The following DNAJC1 variants were observed in gnomAD, a reference collection of about 807,000 sequenced individuals.
DNAJC1 encodes dnaJ homolog subfamily C member 1.
A neutral mutation model predicts 76.6 loss-of-function variants in DNAJC1; 58 were observed. The observed-to-expected ratio is 0.76, with a 90% confidence interval of 0.61 to 0.94. The LOEUF is 0.94. Ranked by LOEUF, DNAJC1 falls within the 40% of genes least tolerant of loss-of-function variation. The pLI, the probability that DNAJC1 is intolerant of heterozygous loss-of-function variation, is 0.00. For synonymous variants in DNAJC1, 258 were observed against 267.9 expected (o/e 0.96, Z 0.36); for missense variants, 689 against 677.3 (o/e 1.02, Z -0.19).
chr10:21,983,885 T>G (rs1838197079), intron 1 of DNAJC1, among the ~76,000 whole-genome samples: 1 of 152,194 alleles, frequency 6.6e-6, no homozygotes, highest in Non-Finnish European at 1.5e-5. Context: ...ATGTACTTAG[T>G]GTCACTGGTT....
chr10:21,764,333 C>G (rs866283175), intron 10 of DNAJC1, among the ~76,000 whole-genome samples: 2 of 152,188 alleles, frequency 1.3e-5, no homozygotes, highest in South Asian at 2.1e-4. Context: ...AAATATCTCT[C>G]TCAAAATAAC....
chr10:21,939,989 G>C (rs1311602632), intron 1 of DNAJC1, among the ~76,000 whole-genome samples: 1 of 147,586 alleles, frequency 6.8e-6, no homozygotes, highest in Non-Finnish European at 1.5e-5. Context: ...AAACAAACGT[G>C]TGTGTATACA....
chr10:21,862,132 G>C (rs1483335410), intron 8 of DNAJC1, among the ~76,000 whole-genome samples: 1 of 151,928 alleles, frequency 6.6e-6, no homozygotes, highest in Non-Finnish European at 1.5e-5. Flanking sequence ...TGTTTAGGCT[G>C]GTCTCGAACT....
intron 8 of DNAJC1, among the ~76,000 whole-genome samples, chr10:21,841,939 C>T (rs1285080978): frequency 6.6e-6 from 1 of 151,896 alleles, no homozygotes; most frequent in Non-Finnish European, 1.5e-5. Flanking sequence ...GAGTTCATGT[C>T]CTTTGTAGGG....
At chr10:21,856,369 T>C (rs1835832511) in intron 8 of DNAJC1, among the ~76,000 whole-genome samples, 1 of 152,204 alleles carries the variant, frequency 6.6e-6, no homozygotes, top group African/African-American at 2.4e-5. Flanking sequence ...TATTATTGTG[T>C]ATGTCTTTGA....
rs963353570 is a variant in DNAJC1, at chr10:21,759,468, T to G, written c.1298A>C (p.Gln433Pro). 11 of 1,614,194 alleles carry G rather than the reference T, an allele frequency of 6.8e-6. No homozygotes were observed. Among genetic ancestry groups the G allele is most frequent in the Non-Finnish European group, 8.5e-7 (1 of 1,180,040 alleles). ...CCGGGCATCAGTGGCCCCGGTCTCCTGCTCACCGGAGTCTCCCTCCTGCTC... is the reference window on the plus strand; with the variant it reads ...CCGGGCATCAGTGGCCCCGGTCTCCGGCTCACCGGAGTCTCCCTCCTGCTC... ...EEEQEGDSGE[Q>P]ETGATDARPR... is the part of the protein sequence containing the mutation. Residue 433 changes from glutamine to proline, a missense_variant, in exon 11 of 12, where the codon CAG (glutamine) becomes CCG (proline). Physicochemically the swap from Gln to Pro is moderately conservative, Grantham distance 76. Coordinates refer to ENST00000376980, the MANE Select transcript of DNAJC1 (RefSeq NM_022365.4).
intron 1 of DNAJC1, among the ~76,000 whole-genome samples, chr10:21,988,873 A>G (rs1364196630): frequency 1.3e-5 from 2 of 152,204 alleles, no homozygotes; most frequent in Non-Finnish European, 2.9e-5. Flanking sequence ...AAGATTCAAT[A>G]TCTCTTTTCC....
chr10:21,855,584 GA>G (rs1344032381), intron 8 of DNAJC1, among the ~76,000 whole-genome samples: 1 of 152,140 alleles, frequency 6.6e-6, no homozygotes, highest in African/African-American at 2.4e-5. Flanking sequence ...TATCAATGAT[GA>G]ATACAAATAG....
intron 1 of DNAJC1, among the ~76,000 whole-genome samples, chr10:21,931,898 T>G (rs1449802888): frequency 3.3e-5 from 5 of 152,192 alleles, no homozygotes; most frequent in Admixed American, 2.0e-4. Flanking sequence ...TCTACTGGAT[T>G]CATCTGTTAG....
intron 10 of DNAJC1, among the ~76,000 whole-genome samples, chr10:21,765,569 G>C (rs1461778895): frequency 6.6e-6 from 1 of 152,200 alleles, no homozygotes; most frequent in Non-Finnish European, 1.5e-5. Context: ...AAATGGGGCT[G>C]AGCACGGTGG....
At chr10:21,907,854 T>C (rs1416934609) in intron 6 of DNAJC1, among the ~76,000 whole-genome samples, 2 of 150,198 alleles carry the variant, frequency 1.3e-5, no homozygotes, top group African/African-American at 4.9e-5. Flanking sequence ...GGCAGGCACC[T>C]GTAATCCCCG....
intron 8 of DNAJC1, among the ~76,000 whole-genome samples, chr10:21,807,335 T>A (rs1251362374): frequency 6.6e-6 from 1 of 152,060 alleles, no homozygotes; most frequent in East Asian, 1.9e-4. Flanking sequence ...CTGACACTAA[T>A]CCTCCCTGTC....
chr10:21,974,108 AAAAAAAG>A (rs1393749300), intron 1 of DNAJC1, among the ~76,000 whole-genome samples: 24 of 152,140 alleles, frequency 1.6e-4, no homozygotes, highest in Admixed American at 1.0e-3. Context: ...CTCAAAAAAA[AAAAAAAG>A]AAAAAAGAAA....
At chr10:21,818,041 T>G (rs921570274) in intron 8 of DNAJC1, among the ~76,000 whole-genome samples, 54 of 152,182 alleles carry the variant, frequency 3.5e-4, no homozygotes, top group Admixed American at 6.5e-4. Context: ...ATAACAGCAA[T>G]GTTCAGGGAA....
At chr10:21,904,154 C>T (rs1333610956) in intron 7 of DNAJC1, among the ~76,000 whole-genome samples, 3 of 152,098 alleles carry the variant, frequency 2.0e-5, no homozygotes, top group Non-Finnish European at 4.4e-5. Flanking sequence ...TTTCAGGTTT[C>T]CTAACTACAA....
intron 1 of DNAJC1, among the ~76,000 whole-genome samples, chr10:21,986,760 T>C (rs1838255352): frequency 6.6e-6 from 1 of 151,058 alleles, no homozygotes; most frequent in African/African-American, 2.5e-5. Context: ...CTGGGAAATT[T>C]TTTGTTTTTT....
intron 8 of DNAJC1, among the ~76,000 whole-genome samples, chr10:21,818,768 T>A (rs1277278417): frequency 1.3e-5 from 2 of 152,154 alleles, no homozygotes; most frequent in Non-Finnish European, 2.9e-5. Flanking sequence ...GCCATACTAT[T>A]CAAAAAGATT....
intron 11 of DNAJC1, among the ~76,000 whole-genome samples, chr10:21,757,738 G>A (rs78499839): frequency 0.032 from 4,903 of 152,318 alleles, 129 homozygotes; most frequent in Middle Eastern, 0.068. Context: ...TCTGAGCTGA[G>A]CCGTGCACGG....
intron 8 of DNAJC1, among the ~76,000 whole-genome samples, chr10:21,881,852 A>G (rs1441177779): frequency 6.7e-6 from 1 of 149,536 alleles, no homozygotes; most frequent in Non-Finnish European, 1.5e-5. Context: ...TGTAAAAAAA[A>G]AAAAAAAAAA....
Sources: gnomAD v4.1 joint callset for allele counts (sites outside exome capture counted in the v4.1 genomes callset) on GRCh38, gnomAD v4.1.1 for gene constraint, MANE v1.5 for transcripts, NCBI Gene and HGNC (gene_info 2026-07-23, HGNC 2026-07-21) for gene names.